The following UBE2K variants were observed in gnomAD, a reference collection of about 807,000 sequenced individuals.
The protein encoded by UBE2K is ubiquitin-conjugating enzyme E2 K.
In UBE2K, 6 loss-of-function variants were observed where a neutral mutation model predicts 30.0. That is an observed-to-expected ratio of 0.20 (90% confidence interval 0.11 to 0.39). The LOEUF is 0.39. Among genes scored for constraint, UBE2K ranks in the 10% least tolerant of loss-of-function variants. The pLI, the probability that UBE2K is intolerant of heterozygous loss-of-function variation, is 1.00. For synonymous variants in UBE2K, 86 were observed against 83.7 expected (o/e 1.03, Z -0.15); for missense variants, 61 against 241.6 (o/e 0.25, Z 4.96).
intron 1 of UBE2K, among the ~76,000 whole-genome samples, chr4:39,732,409 G>C (rs1720122202): frequency 6.6e-6 from 1 of 152,126 alleles, no homozygotes; most frequent in African/African-American, 2.4e-5. Flanking sequence ...ACTAACATTT[G>C]AGATAGCATA....
At chr4:39,721,277 T>A (rs1219060473) in intron 1 of UBE2K, among the ~76,000 whole-genome samples, 2 of 152,194 alleles carry the variant, frequency 1.3e-5, no homozygotes, top group South Asian at 2.1e-4. Context: ...AAGAATGAAC[T>A]CAGGATCATT....
intron 1 of UBE2K, among the ~76,000 whole-genome samples, chr4:39,712,653 C>T (rs1382749566): frequency 6.6e-6 from 1 of 151,984 alleles, no homozygotes; most frequent in Non-Finnish European, 1.5e-5. Flanking sequence ...AACTCTTGAC[C>T]TTGTGATTCG....
chr4:39,708,977 A>AT (rs1025418266), intron 1 of UBE2K, among the ~76,000 whole-genome samples: 23 of 144,458 alleles, frequency 1.6e-4, no homozygotes, highest in Admixed American at 2.1e-4. Context: ...GGAGGTAGAG[A>AT]TTTTTTAACT....
intron 4 of UBE2K, among the ~76,000 whole-genome samples, chr4:39,774,598 G>C (rs1178070349): frequency 6.6e-6 from 1 of 151,864 alleles, no homozygotes; most frequent in African/African-American, 2.4e-5. Flanking sequence ...GGGCGACAGA[G>C]CCAGACTCCG....
intron 3 of UBE2K, among the ~76,000 whole-genome samples, chr4:39,752,376 G>A (rs1356212679): frequency 1.7e-5 from 2 of 116,516 alleles, no homozygotes; most frequent in African/African-American, 6.8e-5. Flanking sequence ...TGGCTCTGTC[G>A]CCCAGGCTGG....
intron 1 of UBE2K, among the ~76,000 whole-genome samples, chr4:39,699,304 C>G (rs1024409423): frequency 1.3e-5 from 2 of 151,472 alleles, no homozygotes; most frequent in African/African-American, 4.9e-5. Context: ...TCATAGTTAA[C>G]TTGATTCTTA....
intron 1 of UBE2K, among the ~76,000 whole-genome samples, chr4:39,729,569 A>G (rs1386092865): frequency 6.6e-6 from 1 of 151,994 alleles, no homozygotes; most frequent in African/African-American, 2.4e-5. Flanking sequence ...ATTGCACTGG[A>G]CTTTATTGGC....
intron 4 of UBE2K, among the ~76,000 whole-genome samples, chr4:39,764,903 C>G (rs1237394137): frequency 5.0e-5 from 4 of 79,606 alleles, no homozygotes; most frequent in African/African-American, 2.7e-4. Flanking sequence ...TTTTTTTTTT[C>G]GAGACAAGAG....
At chr4:39,752,361 G>C (rs1293314791) in intron 3 of UBE2K, among the ~76,000 whole-genome samples, 1 of 127,802 alleles carries the variant, frequency 7.8e-6, no homozygotes, top group Admixed American at 9.3e-5. Flanking sequence ...TTTTGAGACG[G>C]CGTCTGGCTC....
At chr4:39,752,484 C>T (rs978787832) in intron 3 of UBE2K, among the ~76,000 whole-genome samples, 5 of 151,872 alleles carry the variant, frequency 3.3e-5, no homozygotes, top group African/African-American at 4.8e-5. Flanking sequence ...CTACAGGCGC[C>T]CGCCACCGCG....
At chr4:39,770,568 G>C in intron 4 of UBE2K, 9 of 1,587,040 alleles carry the variant, frequency 5.7e-6, no homozygotes, top group Non-Finnish European at 7.7e-6. Flanking sequence ...CACCAGGCCC[G>C]AGGTGGCCCC....
At chr4:39,752,333 T>TTTG in intron 3 of UBE2K, among the ~76,000 whole-genome samples, 1 of 103,372 alleles carries the variant, frequency 9.7e-6, no homozygotes, top group Non-Finnish European at 1.9e-5. Context: ...TTCTTTTTTT[T>TTTG]TCTTTTTTTT....
intron 1 of UBE2K, among the ~76,000 whole-genome samples, chr4:39,701,321 A>C (rs1397675747): frequency 6.6e-6 from 1 of 152,158 alleles, no homozygotes; most frequent in Admixed American, 6.5e-5. Context: ...AATTGTGAGG[A>C]TATAAACCCA....
At chr4:39,727,625 C>T (rs1719826351) in intron 1 of UBE2K, among the ~76,000 whole-genome samples, 1 of 151,332 alleles carries the variant, frequency 6.6e-6, no homozygotes, top group South Asian at 2.1e-4. Flanking sequence ...GTCTTGAACT[C>T]CTGGGTTCAA....
chr4:39,750,267 A>G (rs1286905040), intron 3 of UBE2K, among the ~76,000 whole-genome samples: 1 of 152,240 alleles, frequency 6.6e-6, no homozygotes, highest in African/African-American at 2.4e-5. Flanking sequence ...GAAGTTACAG[A>G]TGGAAATATG....
intron 1 of UBE2K, among the ~76,000 whole-genome samples, chr4:39,712,058 A>G (rs1718721114): frequency 6.7e-6 from 1 of 148,530 alleles, no homozygotes; most frequent in South Asian, 2.1e-4. Flanking sequence ...AATAGTCACT[A>G]TTTTTTGTAA....
rs3839130 is a variant in UBE2K at position 39,779,042 on chromosome 4, A to ACCCCCCCCCCCCCCCCCCCCT, written c.*616_*617insCCCCCCCCCCCCTCCCCCCCC. On this transcript the variant is annotated 3_prime_UTR_variant, in exon 7 of 7. Transcript: ENST00000261427. ...TGGGACAGTGTCTGATTCCCCCTTC[A>ACCCCCCCCCCCCCCCCCCCCT]CCCCCCCCACCCCCGCCTTGCCACA... 2 of 128,218 alleles carry ACCCCCCCCCCCCCCCCCCCCT rather than the reference A, an allele frequency of 1.6e-5. No individual in the cohort carries two copies. Among genetic ancestry groups the ACCCCCCCCCCCCCCCCCCCCT allele is most frequent in the Admixed American group, 8.7e-5 (1 of 11,468 alleles). The allele number at this position is 128,218 out of a possible 1,614,324, so 7.9% of individuals were successfully genotyped here. A position where few individuals can be genotyped will look rare whatever the true frequency, so the allele number is the denominator to read the frequency against.
chr4:39,737,775 A>G (rs1300598023), intron 2 of UBE2K, among the ~76,000 whole-genome samples: 3 of 152,212 alleles, frequency 2.0e-5, no homozygotes, highest in Non-Finnish European at 2.9e-5. Context: ...TTAATAGAAT[A>G]AAAGATCTGG....
At chr4:39,771,033 C>T (rs1441803996) in intron 4 of UBE2K, 4 of 1,612,136 alleles carry the variant, frequency 2.5e-6, no homozygotes, top group Non-Finnish European at 3.4e-6. Context: ...GGACCCCATC[C>T]TCTTTGAGGC....
Sources: allele counts gnomAD v4.1 joint callset (sites outside exome capture counted in the v4.1 genomes callset), GRCh38; gene constraint gnomAD v4.1.1; transcripts MANE v1.5; gene names NCBI Gene and HGNC (gene_info 2026-07-23, HGNC 2026-07-21).